EXD3: variants seen among roughly 807,000 people sequenced by gnomAD.
EXD3 encodes the protein exonuclease mut-7 homolog.
EXD3 carries 92 observed loss-of-function variants against 98.0 expected under a neutral mutation model. The ratio of observed to expected loss-of-function variants is 0.94; its 90% confidence interval spans 0.79 to 1.12. The LOEUF is 1.12. Ranked by LOEUF, EXD3 falls within the 50% of genes most tolerant of loss-of-function variation. EXD3 has a pLI of 0.00. For synonymous variants in EXD3, 569 were observed against 526.0 expected, an observed-to-expected ratio of 1.08 and a Z score of -1.12; for missense variants, 1,222 against 1,191.6, an observed-to-expected ratio of 1.03 and a Z score of -0.38.
At chr9:137,377,767 A>G (rs1237500136) in intron 3 of EXD3, among the ~76,000 whole-genome samples, 3 of 151,694 alleles carry the variant, frequency 2.0e-5, no homozygotes, top group African/African-American at 4.8e-5. Context: ...GAGAACTTTG[A>G]AAACAAAAAA....
intron 17 of EXD3, among the ~76,000 whole-genome samples, chr9:137,343,879 C>T (rs534613544): frequency 3.9e-4 from 50 of 129,220 alleles, no homozygotes; most frequent in African/African-American, 1.2e-3. Context: ...TGAGCCACCG[C>T]GCCCGGCCTT....
At chr9:137,422,148 C>T (rs1564229581) in intron 1 of EXD3, among the ~76,000 whole-genome samples, 1 of 147,992 alleles carries the variant, frequency 6.8e-6, no homozygotes, top group Non-Finnish European at 1.5e-5. Flanking sequence ...CCTGAAATGT[C>T]TCCTCCTTCC....
rs1256483254 is a variant in EXD3 at position 137,369,118 on chromosome 9, CG to C, written c.463-1130del. ...CGCAGGGCCCGGGGCGTGGGAGTCT[CG>C]GAGTCGTGGGGAGGGGCGCAGGGCC... On this transcript the variant is annotated intron_variant, in intron 5 of 21. Coordinates refer to ENST00000340951, the MANE Select transcript of EXD3 (RefSeq NM_017820.5). Among the ~76,000 whole-genome samples, 34 of 72,284 alleles carry C rather than the reference CG, an allele frequency of 4.7e-4. No individual in the cohort carries two copies. The East Asian group carries it at 0.014, about 29-fold the overall frequency. 47.4% of individuals were successfully genotyped at this position (72,284 alleles called of 152,430 possible). A position where few individuals can be genotyped will look rare whatever the true frequency, so the allele number is the denominator to read the frequency against.
In EXD3 at chr9:137,324,222, T is replaced by C; in HGVS notation, c.1999-79A>G. 8.0e-7 allele frequency: 1 copy of C among 1,255,916 alleles called. No individual in the cohort carries two copies. Among genetic ancestry groups the C allele is most frequent in the Non-Finnish European group, 1.1e-6 (1 of 887,864 alleles). 77.8% of individuals were successfully genotyped at this position (1,255,916 alleles called of 1,614,324 possible). Reference sequence around the variant, plus strand: ...TGGGCCACCTCTGCTCGCCACCCCCTAGCTCCCCGGATCGTGGCCCTGCCC... The same window carrying C: ...TGGGCCACCTCTGCTCGCCACCCCCCAGCTCCCCGGATCGTGGCCCTGCCC... On this transcript the variant is annotated intron_variant, in intron 17 of 21. Transcript: ENST00000340951. This position sits in a 1 kb window ranked among gnomAD's most constrained non-coding sequence, Gnocchi z 4.1.
intron 19 of EXD3, among the ~76,000 whole-genome samples, chr9:137,320,876 C>T (rs886764188): frequency 2.0e-5 from 3 of 152,228 alleles, no homozygotes; most frequent in Non-Finnish European, 4.4e-5. Flanking sequence ...CCCCAGGCGT[C>T]CCGGACATCC....
At chr9:137,401,407 G>A (rs1056597020) in intron 1 of EXD3, among the ~76,000 whole-genome samples, 4 of 151,864 alleles carry the variant, frequency 2.6e-5, no homozygotes, top group African/African-American at 7.3e-5. Flanking sequence ...TGCCTGCCTC[G>A]GCCTCCCAAA....
At chr9:137,312,766 A>C (rs1294709010) in intron 19 of EXD3, among the ~76,000 whole-genome samples, 1 of 152,122 alleles carries the variant, frequency 6.6e-6, no homozygotes, top group Admixed American at 6.5e-5. Context: ...GGCTCTGAGC[A>C]TCAAAGCTGG....
intron 1 of EXD3, among the ~76,000 whole-genome samples, chr9:137,420,917 C>T (rs1000764330): frequency 3.3e-5 from 5 of 152,140 alleles, no homozygotes; most frequent in South Asian, 2.1e-4. Context: ...TGGACTCAAG[C>T]GATCCTCCCA....
In EXD3 at chr9:137,395,490, T is replaced by C; in HGVS notation, c.-47-86A>G. ...CCACGCCCACAGCCCCTGGAGGTGG[T>C]GGAGGGAGCTGGTGCCTGGGGGGGC... On this transcript the variant is annotated intron_variant, in intron 1 of 21. Transcript: ENST00000340951. This position sits in a 1 kb window ranked among gnomAD's most constrained non-coding sequence, Gnocchi z 6.5. 1 of 1,319,404 alleles carries C rather than the reference T, an allele frequency of 7.6e-7. No homozygotes were observed. The highest frequency in any genetic ancestry group is 1.1e-6 in the Non-Finnish European group (1 of 950,506). 81.7% of individuals were successfully genotyped at this position (1,319,404 alleles called of 1,614,324 possible). A position where few individuals can be genotyped will look rare whatever the true frequency, so the allele number is the denominator to read the frequency against.
chr9:137,387,852 G>A (rs1042017156), intron 2 of EXD3, among the ~76,000 whole-genome samples: 7 of 152,296 alleles, frequency 4.6e-5, no homozygotes, highest in African/African-American at 1.7e-4. Flanking sequence ...CTCCGTGGGT[G>A]GCCTCTGGCC....
At chr9:137,389,040 G>A (rs934581247) in intron 2 of EXD3, among the ~76,000 whole-genome samples, 7 of 152,140 alleles carry the variant, frequency 4.6e-5, no homozygotes, top group African/African-American at 1.7e-4. Context: ...CACCCACCAC[G>A]CACTGGGGCC....
chr9:137,393,740 G>C lies in EXD3; in HGVS notation c.55+1563C>G, dbSNP rs974476649. On this transcript the variant is annotated intron_variant, in intron 2 of 21. Transcript: ENST00000340951. The surrounding 1 kb of genome is among the most constrained non-coding windows in gnomAD (Gnocchi z 4.6). Reference sequence around the variant, plus strand: ...GGAGCAGGGCTTTCACAGAGGGGAGGGCCATGGCCCTGCCCCATGGAGGGG... The same window carrying C: ...GGAGCAGGGCTTTCACAGAGGGGAGCGCCATGGCCCTGCCCCATGGAGGGG... 6.6e-6 allele frequency among the ~76,000 whole-genome samples: 1 copy of C among 152,172 alleles called. No individual in the cohort carries two copies. The highest frequency in any genetic ancestry group is 2.4e-5 in the African/African-American group (1 of 41,446).
At chr9:137,420,735 T>TCTCC (rs1337914999) in intron 1 of EXD3, among the ~76,000 whole-genome samples, 1 of 97,254 alleles carries the variant, frequency 1.0e-5, no homozygotes, top group Non-Finnish European at 2.2e-5. Context: ...GGACAGACAT[T>TCTCC]CACCCCCCCC....
rs1834155650 is a variant in EXD3, at chr9:137,349,698, G to A, written c.1495-167C>T. Among the ~76,000 whole-genome samples the A allele has an allele frequency of 6.6e-6, 1 of 152,070 alleles. No individual in the cohort carries two copies. Among genetic ancestry groups the A allele is most frequent in the Non-Finnish European group, 1.5e-5 (1 of 67,982 alleles). Reference sequence around the variant, plus strand: ...AAGGAGCGGACACATCCGAGGAGAGGCTCCACGTGGGGGTCCCAGGCTGCA... The same window carrying A: ...AAGGAGCGGACACATCCGAGGAGAGACTCCACGTGGGGGTCCCAGGCTGCA... On this transcript the variant is annotated intron_variant, in intron 14 of 21. Coordinates refer to ENST00000340951, the MANE Select transcript of EXD3 (RefSeq NM_017820.5). This position sits in a 1 kb window ranked among gnomAD's most constrained non-coding sequence, Gnocchi z 7.4.
chr9:137,377,470 G>A (rs1835969775), intron 3 of EXD3, among the ~76,000 whole-genome samples: 1 of 148,956 alleles, frequency 6.7e-6, no homozygotes. Context: ...AAAGGGAAAG[G>A]CAGATTTCAA....
At position 137,352,679 on chromosome 9, in the gene EXD3, G is replaced by C. The variant is rs752099067; in HGVS notation, c.978C>G (p.Pro326=). ...AAQCAMELLL[P]EERLPAAVAV... is the part of the protein sequence containing the mutation. ...CCACCGCAGCCGGCAGCCGCTCCTC[G>C]GGCAGCAAGAGTTCCATGGCACACT... Residue 326 remains proline, a synonymous_variant, in exon 11 of 22, where the codon CCC becomes CCG. Coordinates refer to ENST00000340951, the MANE Select transcript of EXD3 (RefSeq NM_017820.5). 1 of 1,555,114 alleles carries C rather than the reference G, an allele frequency of 6.4e-7. No individual in the cohort carries two copies. Among genetic ancestry groups the C allele is most frequent in the Non-Finnish European group, 8.7e-7 (1 of 1,150,364 alleles).
At chr9:137,402,255 C>G (rs1420879081) in intron 1 of EXD3, among the ~76,000 whole-genome samples, 2 of 152,186 alleles carry the variant, frequency 1.3e-5, no homozygotes, top group Admixed American at 6.5e-5. Context: ...ACCTCGTGAT[C>G]CGCCCGTCTC....
At chr9:137,421,498 C>T (rs1838511005) in intron 1 of EXD3, among the ~76,000 whole-genome samples, 1 of 152,148 alleles carries the variant, frequency 6.6e-6, no homozygotes, top group East Asian at 1.9e-4. Context: ...TTTTTATTTT[C>T]CTACAATCTG....
rs894191223 is a variant in EXD3 at position 137,395,010 on chromosome 9, C to G, written c.55+293G>C. Among the ~76,000 whole-genome samples the G allele has an allele frequency of 1.3e-5, 2 of 152,140 alleles. No homozygotes were observed. The highest frequency in any genetic ancestry group is 1.3e-4 in the Admixed American group (2 of 15,286). On this transcript the variant is annotated intron_variant, in intron 2 of 21. Transcript: ENST00000340951. This position sits in a 1 kb window ranked among gnomAD's most constrained non-coding sequence, Gnocchi z 6.5. Reference sequence around the variant, plus strand: ...CACCTCTGCGGCCAGCCCTGAGCAGCTGCACTGTCCCCGCCACCTCCCCCG... The same window carrying G: ...CACCTCTGCGGCCAGCCCTGAGCAGGTGCACTGTCCCCGCCACCTCCCCCG...
Sources: allele counts gnomAD v4.1 joint callset (sites outside exome capture counted in the v4.1 genomes callset), GRCh38; gene constraint gnomAD v4.1.1; non-coding constraint Gnocchi (gnomAD v3.1); transcripts MANE v1.5; gene names NCBI Gene and HGNC (gene_info 2026-07-23, HGNC 2026-07-21).